The following BLVRA variants were observed in gnomAD, a reference collection of about 807,000 sequenced individuals.
The protein encoded by BLVRA is biliverdin reductase A, also known as BVR A.
In BLVRA, 22 loss-of-function variants were observed where a neutral mutation model predicts 32.8. The observed-to-expected ratio is 0.67, with a 90% CI of 0.48 to 0.96. BLVRA has a LOEUF of 0.96. Among genes scored for constraint, BLVRA ranks in the 40% least tolerant of loss-of-function variants. BLVRA has a pLI of 0.00. For missense variants in BLVRA, 323 were observed against 358.1 expected (o/e 0.90, Z 0.79); for synonymous variants, 119 against 141.3 (o/e 0.84, Z 1.12).
chr7:43,759,657 GTCA>G (rs2095740112), intron 1 of BLVRA, among the ~76,000 whole-genome samples: 1 of 152,184 alleles, frequency 6.6e-6, no homozygotes, highest in Admixed American at 6.5e-5. Flanking sequence ...AATGTTAGCT[GTCA>G]TCATCACCAC....
chr7:43,766,650 C>T (rs952320469), intron 1 of BLVRA, among the ~76,000 whole-genome samples: 3 of 152,148 alleles, frequency 2.0e-5, no homozygotes, highest in Non-Finnish European at 2.9e-5. Flanking sequence ...AGCCAGATCT[C>T]GCTTGGCCTG....
chr7:43,807,011 C>T lies in BLVRA; in HGVS notation c.667C>T (p.Leu223=). The stretch of plus-strand genomic sequence containing the variant: ...ATGGATTGAAGAAAAAGGACCTGGT[C>T]TAAAACGAAACAGATATTTAAGCTT... ...LSWIEEKGPG[L]KRNRYLSFHF... is the part of the protein sequence containing the mutation. The change falls in exon 8 of 8, where the codon CTA becomes TTA. Residue 223 remains leucine (L), a synonymous_variant. Transcript: ENST00000265523. 6.2e-7 allele frequency: 1 copy of T among 1,614,122 alleles called. No individual in the cohort carries two copies. Among genetic ancestry groups the T allele is most frequent in the African/African-American group, 1.3e-5 (1 of 75,058 alleles).
chr7:43,760,534 C>T (rs933804790), intron 1 of BLVRA, among the ~76,000 whole-genome samples: 4 of 151,958 alleles, frequency 2.6e-5, no homozygotes, highest in Non-Finnish European at 5.9e-5. Context: ...ACAGGTTGGG[C>T]CATTTGTTTT....
chr7:43,773,004 T>A (rs945279957), intron 2 of BLVRA, among the ~76,000 whole-genome samples: 1 of 152,222 alleles, frequency 6.6e-6, no homozygotes, highest in African/African-American at 2.4e-5. Flanking sequence ...TTATCTCCTT[T>A]GCCATGTGCA....
chr7:43,781,078 G>A (rs1009582174), intron 2 of BLVRA, among the ~76,000 whole-genome samples: 45 of 152,064 alleles, frequency 3.0e-4, no homozygotes, highest in Non-Finnish European at 5.4e-4. Flanking sequence ...AGGAGGCAGA[G>A]GTTGCAGTGA....
rs140857191 is a variant in BLVRA at position 43,762,746 on chromosome 7, G to A, written c.-22+4012G>A. Among the ~76,000 whole-genome samples the A allele has an allele frequency of 1.2e-4, 18 of 151,496 alleles. No homozygotes were observed. The East Asian group carries it at 3.3e-3, about 28-fold the overall frequency. On this transcript the variant is annotated intron_variant, in intron 1 of 7. Transcript: ENST00000265523. ...CCTGCCTCAGCCTCCCGAGTAGCTG[G>A]GACTACAGGTGCACGCCACCATACC... is the stretch of plus-strand genomic sequence containing the variant.
intron 6 of BLVRA, among the ~76,000 whole-genome samples, chr7:43,801,104 G>A (rs1189247859): frequency 6.6e-6 from 1 of 152,064 alleles, no homozygotes; most frequent in Non-Finnish European, 1.5e-5. Context: ...GGCTCAAGCA[G>A]TCCTCCCACC....
At chr7:43,788,148 CT>C in intron 3 of BLVRA, 123 bp downstream of exon 3, 1 of 1,540,224 alleles carries the variant, frequency 6.5e-7, no homozygotes. Flanking sequence ...GAGAACTGTG[CT>C]TAGGGTCAGC....
chr7:43,776,253 T>C (rs1469392997), intron 2 of BLVRA, among the ~76,000 whole-genome samples: 1 of 152,226 alleles, frequency 6.6e-6, no homozygotes, highest in East Asian at 1.9e-4. Context: ...ATTTTAGATC[T>C]TTCCTGCTTT....
At chr7:43,802,393 T>C (rs763942159) in intron 6 of BLVRA, among the ~76,000 whole-genome samples, 20 of 152,202 alleles carry the variant, frequency 1.3e-4, no homozygotes, top group Admixed American at 2.6e-4. Context: ...GTAACAGATA[T>C]GAAGTCTTTT....
chr7:43,784,940 T>C (rs1256822880), intron 2 of BLVRA, among the ~76,000 whole-genome samples: 1 of 152,096 alleles, frequency 6.6e-6, no homozygotes, highest in African/African-American at 2.4e-5. Flanking sequence ...GTGTGTCAGT[T>C]TTGCAAGGCA....
Position 43,793,709 on chromosome 7 carries a change from C to T in BLVRA, c.352+897C>T, listed in dbSNP as rs139587030. On this transcript the variant is annotated intron_variant, in intron 5 of 7. Transcript: ENST00000265523. ...CACCATCTCAGCTCACTGCAACCTCCGCCTCCTGGGTTCAAGGGATTCTCC... is the reference window on the plus strand; with the variant it reads ...CACCATCTCAGCTCACTGCAACCTCTGCCTCCTGGGTTCAAGGGATTCTCC... Among the ~76,000 whole-genome samples the T allele has an allele frequency of 2.5e-3, 385 of 151,518 alleles. 1 individual carries two copies. Among genetic ancestry groups the T allele is most frequent in the African/African-American group, 8.2e-3 (340 of 41,340 alleles).
chr7:43,773,925 CATAA>C (rs1264390839), intron 2 of BLVRA, among the ~76,000 whole-genome samples: 11 of 152,216 alleles, frequency 7.2e-5, no homozygotes, highest in African/African-American at 2.2e-4. Context: ...TTTTTGGCTA[CATAA>C]ATGTCTTCTT....
chr7:43,783,353 C>A (rs959803055), intron 2 of BLVRA, among the ~76,000 whole-genome samples: 9 of 152,090 alleles, frequency 5.9e-5, no homozygotes, highest in African/African-American at 2.2e-4. Context: ...TATCTTTTTC[C>A]TTTGGCTACC....
At chr7:43,774,554 G>C (rs2095758466) in intron 2 of BLVRA, among the ~76,000 whole-genome samples, 1 of 152,190 alleles carries the variant, frequency 6.6e-6, no homozygotes, top group African/African-American at 2.4e-5. Flanking sequence ...TTGTAGTATA[G>C]TTAGAAGTCA....
At chr7:43,784,406 A>G (rs1426974573) in intron 2 of BLVRA, among the ~76,000 whole-genome samples, 1 of 151,906 alleles carries the variant, frequency 6.6e-6, no homozygotes, top group Non-Finnish European at 1.5e-5. Context: ...CTAGCCCCAA[A>G]GTTTTAGCTG....
rs531657910 is a variant in BLVRA at position 43,791,355 on chromosome 7, G to A, written c.241G>A (p.Glu81Lys). ...AYICSESSSH[E>K]DYIRQFLNAG... ...TATCTGCAGTGAGAGCTCCAGCCAT[G>A]AGGACTACATCAGGTGGGTTTTCCA... Residue 81 changes from glutamate (E) to lysine (K), a missense_variant, in exon 4 of 8, where the codon GAG becomes AAG. Coordinates refer to ENST00000265523, the MANE Select transcript of BLVRA (RefSeq NM_000712.4). The A allele has an allele frequency of 6.2e-7, 1 of 1,614,174 alleles. No homozygotes were observed. The highest frequency in any genetic ancestry group is 1.1e-5 in the South Asian group (1 of 91,084).
chr7:43,798,224 A>AAAG (rs2095794934), intron 5 of BLVRA, among the ~76,000 whole-genome samples: 3 of 150,486 alleles, frequency 2.0e-5, no homozygotes, highest in Non-Finnish European at 3.0e-5. Flanking sequence ...AAAAAAAAAA[A>AAAG]AAGGAAACGA....
chr7:43,788,650 C>A (rs2095781390), intron 3 of BLVRA, among the ~76,000 whole-genome samples: 1 of 152,074 alleles, frequency 6.6e-6, no homozygotes, highest in Non-Finnish European at 1.5e-5. Flanking sequence ...CACTCTGTCA[C>A]CCAAGCTGCA....
Sources: gnomAD v4.1 joint callset for allele counts (sites outside exome capture counted in the v4.1 genomes callset) on GRCh38, gnomAD v4.1.1 for gene constraint, MANE v1.5 for transcripts, NCBI Gene and HGNC (gene_info 2026-07-23, HGNC 2026-07-21) for gene names.